CNOT1: variants seen among roughly 807,000 people sequenced by gnomAD.
The protein encoded by CNOT1 is CCR4-associated factor 1.
In CNOT1, 15 loss-of-function variants were observed where a neutral mutation model predicts 273.8. The observed-to-expected ratio is 0.05, with a 90% CI of 0.04 to 0.08. The LOEUF is 0.08. Ranked by LOEUF, CNOT1 falls within the 10% of genes least tolerant of loss-of-function variation. The probability of loss-of-function intolerance (pLI) is 1.00; values close to 1 mark genes in which losing one functional copy is unlikely to be tolerated. For synonymous variants in CNOT1, 1,022 were observed against 1,005.5 expected, an observed-to-expected ratio of 1.02 and a Z score of -0.31; for missense variants, 1,644 against 2,912.2, an observed-to-expected ratio of 0.56 and a Z score of 10.02.
chr16:58,539,717 TA>T (rs1342960688), intron 35 of CNOT1, 50 bp downstream of exon 35: 2 of 1,519,530 alleles, frequency 1.3e-6, no homozygotes, highest in Non-Finnish European at 1.8e-6. Context: ...TGCAGGTCAA[TA>T]AATGTTTACA....
intron 47 of CNOT1, 31 bp downstream of exon 47, chr16:58,523,339 G>A: frequency 6.4e-7 from 1 of 1,551,972 alleles, no homozygotes; most frequent in South Asian, 1.2e-5. Context: ...AGATCCTTTT[G>A]AAGCATTTAA....
chr16:58,537,468 G>A (rs574421501), intron 38 of CNOT1, among the ~76,000 whole-genome samples: 6 of 152,354 alleles, frequency 3.9e-5, no homozygotes, highest in African/African-American at 1.4e-4. Context: ...AAATGAAACT[G>A]ATGTTCAGAG....
intron 17 of CNOT1, 108 bp downstream of exon 17, chr16:58,560,104 C>G: frequency 1.3e-5 from 20 of 1,534,242 alleles, no homozygotes; most frequent in Non-Finnish European, 1.7e-5. Context: ...GCTAGACATG[C>G]AGTTATCTAA....
At chr16:58,590,666 G>A (rs115846194) in intron 2 of CNOT1, among the ~76,000 whole-genome samples, 6,710 of 152,190 alleles carry the variant, frequency 0.044, 472 homozygotes, top group African/African-American at 0.15. Flanking sequence ...TTGGGAGGCT[G>A]AGGCAGGAGG....
At chr16:58,590,437 C>CA (rs1438220529) in intron 2 of CNOT1, among the ~76,000 whole-genome samples, 12 of 151,676 alleles carry the variant, frequency 7.9e-5, no homozygotes, top group South Asian at 4.2e-4. Context: ...CCATCTCTAC[C>CA]AAAAAAAATA....
chr16:58,580,203 G>A (rs1404867000), intron 12 of CNOT1, among the ~76,000 whole-genome samples: 1 of 151,854 alleles, frequency 6.6e-6, no homozygotes, highest in Non-Finnish European at 1.5e-5. Context: ...CTGCACTCCA[G>A]CCTGGGCAAC....
At position 58,611,353 on chromosome 16, in the gene CNOT1, C is replaced by T. The variant is rs577227617; in HGVS notation, c.-174-11842G>A. On this transcript the variant is annotated intron_variant, in intron 1 of 48. Transcript: ENST00000317147. Reference sequence around the variant, plus strand: ...CTGAGGCAGGGGAATTGCTTGATCCCGGGAAGCAGAGGTTACAGGGAGCCG... The same window carrying T: ...CTGAGGCAGGGGAATTGCTTGATCCTGGGAAGCAGAGGTTACAGGGAGCCG... Among the ~76,000 whole-genome samples the T allele has an allele frequency of 1.4e-4, 21 of 152,050 alleles. No homozygotes were observed. In the South Asian group the frequency reaches 3.5e-3, roughly 26 times the overall value.
Position 58,547,495 on chromosome 16 carries a change from C to A in CNOT1, c.3639+71G>T. On this transcript the variant is annotated intron_variant, in intron 26 of 48. Coordinates refer to ENST00000317147, the MANE Select transcript of CNOT1 (RefSeq NM_016284.5). This position sits in a 1 kb window ranked among gnomAD's most constrained non-coding sequence, Gnocchi z 4.0. The stretch of plus-strand genomic sequence containing the variant: ...AAACCCCAATAATCATTAAATAGCT[C>A]CAAACAGCCAATACTTGTAATCATA... 2 of 1,543,826 alleles carry A rather than the reference C, an allele frequency of 1.3e-6. No individual in the cohort carries two copies. The highest frequency in any genetic ancestry group is 8.7e-7 in the Non-Finnish European group (1 of 1,144,628).
chr16:58,568,953 A>G (rs2041164931), intron 16 of CNOT1, among the ~76,000 whole-genome samples: 1 of 152,202 alleles, frequency 6.6e-6, no homozygotes, highest in Admixed American at 6.5e-5. Context: ...GAAATGCCAT[A>G]TTATTTAAAG....
chr16:58,617,133 G>A (rs970375565), intron 1 of CNOT1, among the ~76,000 whole-genome samples: 2 of 152,160 alleles, frequency 1.3e-5, no homozygotes, highest in African/African-American at 4.8e-5. Context: ...GGCTGAGGCA[G>A]GAGGATCACT....
At chr16:58,588,729 C>T in intron 3 of CNOT1, 70 bp downstream of exon 3, 1 of 1,558,302 alleles carries the variant, frequency 6.4e-7, no homozygotes, top group Non-Finnish European at 8.7e-7. Flanking sequence ...TCATATGCTA[C>T]ATACACTATG....
At chr16:58,611,209 G>C (rs1365829697) in intron 1 of CNOT1, among the ~76,000 whole-genome samples, 1 of 151,290 alleles carries the variant, frequency 6.6e-6, no homozygotes, top group African/African-American at 2.4e-5. Flanking sequence ...CGGGTGGACT[G>C]CCTGAGCTCA....
chr16:58,522,237 C>CAA (rs56149974), intron 47 of CNOT1, among the ~76,000 whole-genome samples: 24 of 98,556 alleles, frequency 2.4e-4, no homozygotes, highest in Non-Finnish European at 4.0e-4. Flanking sequence ...GAGACTGTCT[C>CAA]AAAAAAAAAA....
In CNOT1 at chr16:58,555,907, C is replaced by T. The variant is rs755352827; in HGVS notation, c.2481G>A (p.Ser827=). The T allele has an allele frequency of 1.6e-5, 26 of 1,611,472 alleles. No homozygotes were observed. The highest frequency in any genetic ancestry group is 1.1e-4 in the East Asian group (5 of 44,870). Residue 827 remains serine (S), a splice_region_variant and synonymous_variant, in exon 20 of 49, where the codon TCG becomes TCA. Transcript: ENST00000317147. The part of the protein sequence containing the change: ...PTFQQSKMKP[S]DLSQVWPEAN... ...CCTCTGGCCACACCTGAGACAAGTCCGCTGTTGGAAACAAAAAAGGAATCA... is the reference window on the plus strand; with the variant it reads ...CCTCTGGCCACACCTGAGACAAGTCTGCTGTTGGAAACAAAAAAGGAATCA...
chr16:58,566,688 C>T (rs369257193), intron 16 of CNOT1, among the ~76,000 whole-genome samples: 12 of 152,080 alleles, frequency 7.9e-5, no homozygotes, highest in East Asian at 5.8e-4. Context: ...ATTTTTGAGA[C>T]GGAGTTTCAC....
At chr16:58,575,431 C>A (rs1054832365) in intron 14 of CNOT1, among the ~76,000 whole-genome samples, 1 of 152,094 alleles carries the variant, frequency 6.6e-6, no homozygotes, top group Non-Finnish European at 1.5e-5. Flanking sequence ...TTATCCCTAC[C>A]CATTTTTCAA....
At chr16:58,524,482 T>C (rs531596240) in intron 46 of CNOT1, among the ~76,000 whole-genome samples, 2 of 152,188 alleles carry the variant, frequency 1.3e-5, no homozygotes, top group South Asian at 4.1e-4. Context: ...TTGGACGTGA[T>C]GGTATTCAAT....
intron 1 of CNOT1, among the ~76,000 whole-genome samples, chr16:58,604,124 T>A (rs1196068618): frequency 6.6e-6 from 1 of 152,098 alleles, no homozygotes; most frequent in Non-Finnish European, 1.5e-5. Flanking sequence ...GAATAGACAA[T>A]AAGTGATTTA....
chr16:58,625,609 G>A (rs541084564), intron 1 of CNOT1, among the ~76,000 whole-genome samples: 62 of 151,922 alleles, frequency 4.1e-4, no homozygotes, highest in East Asian at 5.8e-4. Context: ...ACTTGAACCC[G>A]GGAGGCAGAA....
Sources: gnomAD v4.1 joint callset for allele counts (sites outside exome capture counted in the v4.1 genomes callset) on GRCh38, gnomAD v4.1.1 for gene constraint, Gnocchi (gnomAD v3.1) non-coding constraint, MANE v1.5 for transcripts, NCBI Gene and HGNC (gene_info 2026-07-23, HGNC 2026-07-21) for gene names.